Variants in SGSM2 observed in about 807,000 individuals in gnomAD.
The protein encoded by SGSM2 is small G protein signaling modulator 2.
Under a neutral mutation model 126.6 loss-of-function variants are expected in SGSM2, and 89 were observed. That is an observed-to-expected ratio of 0.70 (90% CI 0.59 to 0.84). The LOEUF (loss-of-function observed/expected upper bound fraction) is 0.84, where lower values mean the gene tolerates loss of function less well. Ranked by LOEUF, SGSM2 falls within the 40% of genes least tolerant of loss-of-function variation. SGSM2 has a pLI of 0.00. For synonymous variants in SGSM2, 614 were observed against 574.3 expected (o/e 1.07, Z -0.99); for missense variants, 1,404 against 1,416.6 (o/e 0.99, Z 0.14).
intron 1 of SGSM2, among the ~76,000 whole-genome samples, chr17:2,340,036 C>G (rs1475551780): frequency 6.6e-6 from 1 of 152,106 alleles, no homozygotes; most frequent in Non-Finnish European, 1.5e-5. Context: ...TAGAAAAGTA[C>G]TTGTGTCTAC....
chr17:2,378,979 C>T (rs2066303245), intron 22 of SGSM2, 57 bp from the exon 23 acceptor site: 3 of 1,557,234 alleles, frequency 1.9e-6, no homozygotes, highest in East Asian at 2.4e-5. Flanking sequence ...TCAATCCCAG[C>T]CTCAGCCCCA....
chr17:2,373,683 G>A (rs1051473909), intron 17 of SGSM2, 170 bp downstream of exon 17: 11 of 612,748 alleles, frequency 1.8e-5, no homozygotes. Context: ...CTGTGCCTCT[G>A]CTGCCTACTT....
At chr17:2,344,017 G>A (rs535113372) in intron 2 of SGSM2, among the ~76,000 whole-genome samples, 1 of 152,138 alleles carries the variant, frequency 6.6e-6, no homozygotes, top group Non-Finnish European at 1.5e-5. Context: ...TTTTGATTTT[G>A]ACTTCAGGGA....
At chr17:2,377,683 C>T (rs1441849972) in intron 21 of SGSM2, 174 bp from the exon 22 acceptor site, 2 of 507,804 alleles carry the variant, frequency 3.9e-6, no homozygotes, top group Non-Finnish European at 7.1e-6. Context: ...GCAACCCACC[C>T]TCCACAAGGA....
Position 2,377,886 on chromosome 17 carries a change from G to C in SGSM2, c.2832G>C (p.Met944Ile), listed in dbSNP as rs759301763. 3 of 1,612,604 alleles carry C rather than the reference G, an allele frequency of 1.9e-6. No individual in the cohort carries two copies. The highest frequency in any genetic ancestry group is 1.7e-5 in the Admixed American group (1 of 59,970). The change falls in exon 22 of 24, where the codon ATG (methionine) becomes ATC (isoleucine). Residue 944 changes from methionine (M) to isoleucine (I), a missense_variant. Transcript: ENST00000268989. ...TGGACTCAGAGCTGTTTGAGCTGAT[G>C]CATCAGAATGGAGACTACACCCACT... ...QILDSELFEL[M>I]HQNGDYTHFY...
intron 2 of SGSM2, among the ~76,000 whole-genome samples, chr17:2,350,065 G>A (rs2064784812): frequency 6.6e-6 from 1 of 151,932 alleles, no homozygotes; most frequent in African/African-American, 2.4e-5. Context: ...GGGATTACAG[G>A]CGTAAGCCAC....
At chr17:2,344,290 G>A (rs1462726061) in intron 2 of SGSM2, among the ~76,000 whole-genome samples, 44 of 152,182 alleles carry the variant, frequency 2.9e-4, no homozygotes, top group Non-Finnish European at 1.2e-4. Context: ...CTTTGTAGGA[G>A]CAAGCCTATC....
At chr17:2,346,839 A>G (rs1353474258) in intron 2 of SGSM2, among the ~76,000 whole-genome samples, 1 of 152,148 alleles carries the variant, frequency 6.6e-6, no homozygotes, top group East Asian at 1.9e-4. Flanking sequence ...CTGCAATCCC[A>G]GTGCTCTGGG....
At chr17:2,371,797 C>G (rs1387023602) in intron 13 of SGSM2, 1 of 384,160 alleles carries the variant, frequency 2.6e-6, no homozygotes, top group African/African-American at 2.1e-5. Context: ...CCTGAGGACA[C>G]TCAGCAGCCA....
intron 17 of SGSM2, chr17:2,374,137 C>G (rs1269487002): frequency 6.6e-6 from 1 of 152,234 alleles, no homozygotes; most frequent in Non-Finnish European, 1.5e-5. Context: ...TAAACTGTGA[C>G]TGCCTGGCCC....
At chr17:2,378,972 A>G in intron 22 of SGSM2, 64 bp from the exon 23 acceptor site, 3 of 1,542,012 alleles carry the variant, frequency 1.9e-6, no homozygotes, top group Non-Finnish European at 2.6e-6. Flanking sequence ...CTCAGCCTCA[A>G]TCCCAGCCTC....
At chr17:2,349,188 C>T (rs2064739617) in intron 2 of SGSM2, among the ~76,000 whole-genome samples, 1 of 151,944 alleles carries the variant, frequency 6.6e-6, no homozygotes, top group Non-Finnish European at 1.5e-5. Flanking sequence ...CCAGCCTGGC[C>T]AAAATGGCGA....
Position 2,343,492 on chromosome 17 carries a change from G to T in SGSM2, c.58-53G>T, listed in dbSNP as rs1490462169. Reference sequence around the variant, plus strand: ...AACCAAACTATTTATTTGCCCAGAGGTCTTTGATAAGGGAAAATAATAAAA... The same window carrying T: ...AACCAAACTATTTATTTGCCCAGAGTTCTTTGATAAGGGAAAATAATAAAA... On this transcript the variant is annotated intron_variant, in intron 1 of 23. Coordinates refer to ENST00000268989, the MANE Select transcript of SGSM2 (RefSeq NM_014853.3). 4.5e-6 allele frequency: 7 copies of T among 1,563,838 alleles called. No homozygotes were observed. The South Asian group carries it at 5.5e-5, about 12-fold the overall frequency.
chr17:2,344,478 C>T (rs187146778), intron 2 of SGSM2, among the ~76,000 whole-genome samples: 49 of 152,204 alleles, frequency 3.2e-4, no homozygotes, highest in African/African-American at 8.2e-4. Flanking sequence ...ATGCTTTGGA[C>T]GGTAGTGTGG....
Position 2,362,534 on chromosome 17 carries a change from T to A in SGSM2, c.458+264T>A, listed in dbSNP as rs1399999470. 6.6e-6 allele frequency among the ~76,000 whole-genome samples: 1 copy of A among 150,464 alleles called. No individual in the cohort carries two copies. The highest frequency in any genetic ancestry group is 2.5e-5 in the African/African-American group (1 of 40,530). ...CGCCCCGTTCCCCAAAAACTGCAGG[T>A]GACCGCCTCGTTCCCCAAGCAGCCC... On this transcript the variant is annotated intron_variant, in intron 4 of 23. Coordinates refer to ENST00000268989, the MANE Select transcript of SGSM2 (RefSeq NM_014853.3). The surrounding 1 kb of genome is among the most constrained non-coding windows in gnomAD (Gnocchi z 4.9).
At position 2,362,855 on chromosome 17, in the gene SGSM2, A is replaced by C; in HGVS notation, c.476A>C (p.Glu159Ala). ...AENCSKYYEK[E>A]ALLADPVFGP... ...CCTGGCAGCAAGTACTACGAGAAGG[A>C]GGCACTGCTGGCAGACCCTGTGTTC... is the stretch of plus-strand genomic sequence containing the variant. Residue 159 changes from glutamate to alanine, a missense_variant, in exon 5 of 24, where the codon GAG becomes GCG. Glu to Ala is a moderately radical substitution (Grantham distance 107). Transcript: ENST00000268989. This position sits in a 1 kb window ranked among gnomAD's most constrained non-coding sequence, Gnocchi z 4.9. 2 of 1,614,090 alleles carry C rather than the reference A, an allele frequency of 1.2e-6. No homozygotes were observed. The highest frequency in any genetic ancestry group is 1.7e-6 in the Non-Finnish European group (2 of 1,180,038).
chr17:2,361,774 G>C lies in SGSM2; in HGVS notation c.271G>C (p.Glu91Gln), dbSNP rs1305416155. Residue 91 changes from glutamate to glutamine, a missense_variant, in exon 3 of 24, where the codon GAG becomes CAG. Physicochemically the swap from Glu to Gln is conservative, Grantham distance 29. Coordinates refer to ENST00000268989, the MANE Select transcript of SGSM2 (RefSeq NM_014853.3). ...VAGEICHKVQELQQQAEGRKP... is the reference protein window; with the variant it reads ...VAGEICHKVQQLQQQAEGRKP... ...GGGGGAGATTTGCCACAAGGTACAG[G>C]AGCTGCAGCAACAAGCAGAGGGCAG... is the stretch of plus-strand genomic sequence containing the variant. 1.9e-6 allele frequency: 3 copies of C among 1,610,570 alleles called. No individual in the cohort carries two copies. Among genetic ancestry groups the C allele is most frequent in the Non-Finnish European group, 2.5e-6 (3 of 1,178,560 alleles).
At chr17:2,341,936 C>T (rs1211733967) in intron 1 of SGSM2, among the ~76,000 whole-genome samples, 1 of 152,188 alleles carries the variant, frequency 6.6e-6, no homozygotes, top group Non-Finnish European at 1.5e-5. Flanking sequence ...TGGAAACCAC[C>T]CAAACGCCGG....
chr17:2,364,289 T>C, intron 8 of SGSM2, 106 bp downstream of exon 8: 2 of 1,425,288 alleles, frequency 1.4e-6, no homozygotes, highest in Non-Finnish European at 1.9e-6. Flanking sequence ...AACCTCACTC[T>C]TTATTTGGAC....
Sources: allele counts gnomAD v4.1 joint callset (sites outside exome capture counted in the v4.1 genomes callset), GRCh38; gene constraint gnomAD v4.1.1; non-coding constraint Gnocchi (gnomAD v3.1); transcripts MANE v1.5; gene names NCBI Gene and HGNC (gene_info 2026-07-23, HGNC 2026-07-21).